HCFC1: variants seen among roughly 807,000 people sequenced by gnomAD.
HCFC1 encodes host cell factor C1, also known as host cell factor 1.
A neutral mutation model predicts 105.5 loss-of-function variants in HCFC1; 7 were observed. The ratio of observed to expected loss-of-function variants is 0.07; its 90% CI spans 0.04 to 0.12. The LOEUF (loss-of-function observed/expected upper bound fraction) is 0.12, where lower values mean the gene tolerates loss of function less well. Among genes scored for constraint, HCFC1 ranks in the 10% least tolerant of loss-of-function variants. The pLI is 1.00. For synonymous variants in HCFC1, 918 were observed against 828.1 expected (o/e 1.11, Z -1.86); for missense variants, 1,065 against 1,823.6 (o/e 0.58, Z 7.58).
chrX:153,963,140 C>T, intron 4 of HCFC1, 85 bp downstream of exon 4: 1 of 708,300 alleles, frequency 1.4e-6, no homozygotes, highest in East Asian at 3.2e-5. Context: ...CCCCACCTCA[C>T]CATACAACAG....
intron 1 of HCFC1, among the ~76,000 whole-genome samples, chrX:153,966,115 C>T (rs868980399): frequency 8.9e-6 from 1 of 112,201 alleles, no homozygotes; most frequent in Non-Finnish European, 1.9e-5. Flanking sequence ...GAGGCTGAGG[C>T]GGGAGGACTG....
intron 23 of HCFC1, 102 bp from the exon 24 acceptor site, chrX:153,950,645 T>C: frequency 1.1e-6 from 1 of 893,323 alleles, no homozygotes; most frequent in East Asian, 3.1e-5. Flanking sequence ...GTAGAGATAT[T>C]CCATGTGGTA....
chrX:153,968,009 C>T lies in HCFC1; in HGVS notation c.193+2639G>A, dbSNP rs367671171. The stretch of plus-strand genomic sequence containing the variant: ...CCAACTCCGCCACCAGCTGGGAGGG[C>T]GACCCTGGACCTGTCACTTCCCCTC... On this transcript the variant is annotated intron_variant, in intron 1 of 25. Transcript: ENST00000310441. Among the ~76,000 whole-genome samples, 81 of 111,619 alleles carry T rather than the reference C, an allele frequency of 7.3e-4. 1 individual carries two copies. Among genetic ancestry groups the T allele is most frequent in the African/African-American group, 2.5e-3 (77 of 30,708 alleles).
At chrX:153,956,820 G>T in intron 14 of HCFC1, 57 bp from the exon 15 acceptor site, 1 of 1,204,812 alleles carries the variant, frequency 8.3e-7, no homozygotes, top group Non-Finnish European at 1.1e-6. Context: ...AGATGCCACC[G>T]ATGCTGCCCC....
intron 16 of HCFC1, among the ~76,000 whole-genome samples, 164 bp from the exon 17 acceptor site, chrX:153,955,706 C>T (rs1482354209): frequency 8.9e-6 from 1 of 112,185 alleles, no homozygotes; most frequent in Non-Finnish European, 1.9e-5. Context: ...CACTGACTTG[C>T]TCAGAGGCCA....
chrX:153,964,686 A>G lies in HCFC1; in HGVS notation c.234T>C (p.Ile78=). ...AGCCATAGGCTGCACACCCAGGGGG[A>G]ATGTCCCCCCTCACGGCTGGGATGA... The part of the protein sequence containing the change: ...QWFIPAVRGD[I]PPGCAAYGFV... Residue 78 remains isoleucine, a synonymous_variant, in exon 2 of 26, where the codon ATT becomes ATC. Transcript: ENST00000310441. 8.4e-7 allele frequency: 1 copy of G among 1,193,027 alleles called. No homozygotes were observed. Among genetic ancestry groups the G allele is most frequent in the South Asian group, 1.9e-5 (1 of 53,219 alleles).
At chrX:153,950,605 C>T in intron 23 of HCFC1, 62 bp from the exon 24 acceptor site, 1 of 1,028,833 alleles carries the variant, frequency 9.7e-7, no homozygotes, top group African/African-American at 1.9e-5. Context: ...ACTGACTAAT[C>T]ATGGTTCCCA....
intron 17 of HCFC1, 141 bp from the exon 18 acceptor site, chrX:153,953,911 G>A: frequency 1.1e-6 from 1 of 879,310 alleles, no homozygotes; most frequent in Admixed American, 3.1e-5. Context: ...GTCTGCTTCA[G>A]GTACAGCCAG....
At position 153,952,166 on chromosome X, in the gene HCFC1, A is replaced by T; in HGVS notation, c.4943-8T>A. The T allele has an allele frequency of 9.1e-7, 1 of 1,099,996 alleles. No individual in the cohort carries two copies. Among genetic ancestry groups the T allele is most frequent in the Non-Finnish European group, 1.2e-6 (1 of 845,732 alleles). The allele number at this position is 1,099,996 out of a possible 1,213,427, so 90.7% of individuals were successfully genotyped here. Reference sequence around the variant, plus strand: ...CCATGGGCTCGCCGGTGCCTGCTCCAGGGTCGAGAGAAACACTACTTACTA... The same window carrying T: ...CCATGGGCTCGCCGGTGCCTGCTCCTGGGTCGAGAGAAACACTACTTACTA... On this transcript the variant is annotated splice_region_variant and splice_polypyrimidine_tract_variant and intron_variant, in intron 19 of 25. Coordinates refer to ENST00000310441, the MANE Select transcript of HCFC1 (RefSeq NM_005334.3).
In HCFC1 at chrX:153,958,102, T is replaced by G; in HGVS notation, c.1951A>C (p.Thr651Pro). The G allele has an allele frequency of 8.3e-7, 1 of 1,211,908 alleles. No homozygotes were observed. The highest frequency in any genetic ancestry group is 1.1e-6 in the Non-Finnish European group (1 of 895,377). ...VTVAQQAQVV[T>P]TVVGGVTKTI... is the part of the protein sequence containing the mutation. ...TTGGTGACCCCGCCCACAACTGTGG[T>G]CACCACCTGGGCTTGCTGGGCCACT... Residue 651 changes from threonine to proline, a missense_variant, in exon 11 of 26, where the codon ACC (threonine) becomes CCC (proline). Transcript: ENST00000310441.
In HCFC1 at chrX:153,963,358, G is replaced by A. The variant is rs377138805; in HGVS notation, c.579C>T (p.Tyr193=). 18 of 1,207,622 alleles carry A rather than the reference G, an allele frequency of 1.5e-5. No individual in the cohort carries two copies. The South Asian group carries it at 1.6e-4, about 11-fold the overall frequency. The part of the protein sequence containing the change: ...GVVAWDIPIT[Y]GVLPPPRESH... ...ACTCCCGGGGTGGTGGTAGGACCCC[G>A]TAAGTGATGGGAATGTCCCAGGCTA... The change falls in exon 4 of 26, where the codon TAC becomes TAT. Residue 193 remains tyrosine (Y), a synonymous_variant. Transcript: ENST00000310441.
intron 8 of HCFC1, 151 bp from the exon 9 acceptor site, chrX:153,959,642 G>A (rs1265829398): frequency 4.2e-6 from 4 of 944,328 alleles, no homozygotes; most frequent in East Asian, 3.2e-5. Flanking sequence ...CCACAGGTGG[G>A]GCCAGGCTTT....
chrX:153,957,342 C>T lies in HCFC1; in HGVS notation c.2325G>A (p.Ser775=), dbSNP rs994161977. Residue 775 remains serine, a synonymous_variant, in exon 13 of 26, where the codon TCG becomes TCA. Coordinates refer to ENST00000310441, the MANE Select transcript of HCFC1 (RefSeq NM_005334.3). ...TTTIIKTIPM[S]AIITQAGATG... ...TGGCGCCCGCCTGGGTGATGATGGC[C>T]GACATGGGGATGGTTTTGATGATGG... is the stretch of plus-strand genomic sequence containing the variant. The T allele has an allele frequency of 8.3e-6, 10 of 1,199,679 alleles. No homozygotes were observed. Among genetic ancestry groups the T allele is most frequent in the East Asian group, 6.0e-5 (2 of 33,479 alleles).
chrX:153,949,243 G>C lies in HCFC1; in HGVS notation c.*104C>G, dbSNP rs1281532562. The C allele has an allele frequency of 1.2e-5, 7 of 580,091 alleles. No individual in the cohort carries two copies. Among genetic ancestry groups the C allele is most frequent in the African/African-American group, 2.4e-5 (1 of 41,656 alleles). 47.8% of individuals were successfully genotyped at this position (580,091 alleles called of 1,213,427 possible). Reference sequence around the variant, plus strand: ...GAGAGGAGTGAACAGCGGCTCGCGAGGGTGAAGTGCGAATGCTGGGACGGG... The same window carrying C: ...GAGAGGAGTGAACAGCGGCTCGCGACGGTGAAGTGCGAATGCTGGGACGGG... On this transcript the variant is annotated 3_prime_UTR_variant, in exon 26 of 26. Coordinates refer to ENST00000310441, the MANE Select transcript of HCFC1 (RefSeq NM_005334.3).
Position 153,959,789 on chromosome X carries a change from TC to T in HCFC1, c.1444+12del. 1 of 1,155,775 alleles carries T rather than the reference TC, an allele frequency of 8.7e-7. No individual in the cohort carries two copies. The highest frequency in any genetic ancestry group is 1.2e-6 in the Non-Finnish European group (1 of 868,207). On this transcript the variant is annotated intron_variant, in intron 8 of 25. Coordinates refer to ENST00000310441, the MANE Select transcript of HCFC1 (RefSeq NM_005334.3). ...GCCCCCTACTTTCAAACGTCCCTGGTCCCCTGGCTCACCTTGAGTCCTGGCT... is the reference window on the plus strand; with the variant it reads ...GCCCCCTACTTTCAAACGTCCCTGGTCCCTGGCTCACCTTGAGTCCTGGCT...
chrX:153,959,546 C>A (rs2065409773), intron 8 of HCFC1, 55 bp from the exon 9 acceptor site: 8 of 1,179,592 alleles, frequency 6.8e-6, no homozygotes, highest in Non-Finnish European at 8.0e-6. Flanking sequence ...ATGTCCCCAG[C>A]CCCTTTGCAG....
Position 153,961,655 on chromosome X carries a change from G to A in HCFC1, c.798-7C>T. 1 of 1,166,358 alleles carries A rather than the reference G, an allele frequency of 8.6e-7. No individual in the cohort carries two copies. The highest frequency in any genetic ancestry group is 1.2e-6 in the Non-Finnish European group (1 of 856,043). On this transcript the variant is annotated splice_polypyrimidine_tract_variant and splice_region_variant and intron_variant, in intron 5 of 25. Transcript: ENST00000310441. ...GCCACCAAACACGTACATTCTGGGAGTGAGGAGGGAAGAGTGGGAAAGGAT... is the reference window on the plus strand; with the variant it reads ...GCCACCAAACACGTACATTCTGGGAATGAGGAGGGAAGAGTGGGAAAGGAT...
chrX:153,950,592 A>G, intron 23 of HCFC1, 49 bp from the exon 24 acceptor site: 1 of 1,063,805 alleles, frequency 9.4e-7, no homozygotes, highest in South Asian at 2.2e-5. Flanking sequence ...AGAGGCTTCC[A>G]GAACTGACTA....
chrX:153,952,762 G>C lies in HCFC1; in HGVS notation c.4694C>G (p.Ala1565Gly). Residue 1565 changes from alanine (A) to glycine (G), a missense_variant, in exon 19 of 26, where the codon GCG becomes GGG. Physicochemically the swap from Ala to Gly is moderately conservative, Grantham distance 60. Transcript: ENST00000310441. ...PSSGQESAGS[A>G]VVATVVVQPP... ...CTGGACCACCACAGTGGCCACCACC[G>C]CAGAGCCGGCAGACTCCTGGCCCGA... 1 of 1,207,909 alleles carries C rather than the reference G, an allele frequency of 8.3e-7. No homozygotes were observed. Among genetic ancestry groups the C allele is most frequent in the Non-Finnish European group, 1.1e-6 (1 of 893,337 alleles).
Sources: gnomAD v4.1 joint callset for allele counts (sites outside exome capture counted in the v4.1 genomes callset) on GRCh38, gnomAD v4.1.1 for gene constraint, MANE v1.5 for transcripts, NCBI Gene and HGNC (gene_info 2026-07-23, HGNC 2026-07-21) for gene names.